Variants in PATJ observed in about 807,000 individuals in gnomAD.
PATJ encodes the protein PATJ crumbs cell polarity complex component, also known as inaD-like protein.
In PATJ, 190 loss-of-function variants were observed where a neutral mutation model predicts 224.9. The observed-to-expected ratio is 0.84, with a 90% confidence interval of 0.75 to 0.95. The LOEUF (loss-of-function observed/expected upper bound fraction) is 0.95. Ranked by LOEUF, PATJ falls within the 40% of genes least tolerant of loss-of-function variation. The pLI is 0.00. For synonymous variants in PATJ, 769 were observed against 820.3 expected, an observed-to-expected ratio of 0.94 and a Z score of 1.07; for missense variants, 2,121 against 2,270.3, an observed-to-expected ratio of 0.93 and a Z score of 1.34.
At chr1:61,922,292 G>A (rs1192664874) in intron 26 of PATJ, among the ~76,000 whole-genome samples, 10 of 152,050 alleles carry the variant, frequency 6.6e-5, no homozygotes, top group South Asian at 4.2e-4. Flanking sequence ...CGATCTGCCC[G>A]CCTCAGCCTC....
chr1:62,088,038 T>TG (rs1291677890), intron 33 of PATJ, among the ~76,000 whole-genome samples: 2 of 151,744 alleles, frequency 1.3e-5, no homozygotes, highest in Admixed American at 6.6e-5. Context: ...ATTACAGGCA[T>TG]GCACCACCAT....
chr1:61,746,355 G>A (rs1016690638), intron 1 of PATJ, among the ~76,000 whole-genome samples: 4 of 152,228 alleles, frequency 2.6e-5, no homozygotes, highest in African/African-American at 4.8e-5. Flanking sequence ...TGGGCTTACA[G>A]GCGTGAGCCA....
intron 29 of PATJ, among the ~76,000 whole-genome samples, chr1:62,032,453 A>G (rs561242754): frequency 6.6e-6 from 1 of 152,168 alleles, no homozygotes; most frequent in Non-Finnish European, 1.5e-5. Flanking sequence ...CAAACTGATA[A>G]TCTCCCTTTA....
chr1:62,158,721 A>C (rs867633035), intron 43 of PATJ, among the ~76,000 whole-genome samples: 1,177 of 30,328 alleles, frequency 0.039, 31 homozygotes, highest in African/African-American at 0.14. Flanking sequence ...ACTCTGTCTC[A>C]AAAAAAAAAC....
At chr1:61,770,428 A>G (rs1326210912) in intron 5 of PATJ, among the ~76,000 whole-genome samples, 3 of 152,214 alleles carry the variant, frequency 2.0e-5, no homozygotes, top group African/African-American at 7.2e-5. Context: ...AGGCTTGTCT[A>G]GGCTTCAGTT....
chr1:61,919,507 G>A (rs1157247530), intron 26 of PATJ, among the ~76,000 whole-genome samples: 1 of 151,824 alleles, frequency 6.6e-6, no homozygotes, highest in Non-Finnish European at 1.5e-5. Context: ...GTTTTGCCAT[G>A]TTGCGCAGGC....
intron 27 of PATJ, among the ~76,000 whole-genome samples, chr1:61,963,240 C>T (rs4915601): frequency 2.6e-4 from 39 of 152,144 alleles, no homozygotes; most frequent in African/African-American, 6.5e-4. Context: ...CAGTTAGGCA[C>T]GTATTTTGTA....
At chr1:61,988,933 T>C (rs1047564181) in intron 27 of PATJ, among the ~76,000 whole-genome samples, 1 of 152,146 alleles carries the variant, frequency 6.6e-6, no homozygotes, top group Admixed American at 6.5e-5. Context: ...GCATTTAGGG[T>C]TCCAAGAGGG....
At chr1:61,960,004 C>G (rs1226467048) in intron 27 of PATJ, among the ~76,000 whole-genome samples, 1 of 151,978 alleles carries the variant, frequency 6.6e-6, no homozygotes, top group Admixed American at 6.6e-5. Flanking sequence ...GCATGGACAA[C>G]AGAGCAAGGC....
At chr1:61,871,399 A>ATACATATATATGTACATATATATG in intron 20 of PATJ, among the ~76,000 whole-genome samples, 1 of 92,978 alleles carries the variant, frequency 1.1e-5, no homozygotes, top group Non-Finnish European at 2.2e-5. Flanking sequence ...ATATATATAT[A>ATACATATATATGTACATATATATG]TGTGTATATA....
intron 14 of PATJ, among the ~76,000 whole-genome samples, chr1:61,811,664 A>C (rs1654786077): frequency 1.3e-5 from 2 of 149,698 alleles, no homozygotes; most frequent in South Asian, 4.3e-4. Context: ...TCAGCTGCTA[A>C]AGCCCATCTA....
intron 42 of PATJ, 26 bp from the exon 43 acceptor site, chr1:62,153,332 T>G (rs1206678878): frequency 8.1e-7 from 1 of 1,227,666 alleles, no homozygotes; most frequent in East Asian, 3.2e-5. Context: ...TATTCTCGAA[T>G]TAAACAGCAT....
chr1:62,091,920 G>A (rs527447158), intron 33 of PATJ, among the ~76,000 whole-genome samples: 1 of 152,048 alleles, frequency 6.6e-6, no homozygotes, highest in African/African-American at 2.4e-5. Flanking sequence ...GCTGAGCATG[G>A]TGGCACGTGG....
rs777907543 is a variant in PATJ at position 61,901,425 on chromosome 1, C to T, written c.3347C>T (p.Thr1116Met). 53 of 1,582,566 alleles carry T rather than the reference C, an allele frequency of 3.3e-5. No homozygotes were observed. The Admixed American group carries it at 8.4e-4, about 25-fold the overall frequency. ...QVLEDSPAGK[T>M]NALKTGDKIL... ...TTAGAAGACAGTCCAGCAGGGAAGA[C>T]GAACGCACTTAAAACTGGAGATAAA... The change falls in exon 24 of 44, where the codon ACG becomes ATG. Residue 1116 changes from threonine to methionine, a missense_variant. By Grantham distance (81) the Thr-to-Met change is moderately conservative. Transcript: ENST00000642238.
chr1:61,759,818 C>T (rs1645862304), intron 1 of PATJ, among the ~76,000 whole-genome samples: 3 of 152,196 alleles, frequency 2.0e-5, no homozygotes, highest in Admixed American at 2.0e-4. Flanking sequence ...TTCAGAGTGA[C>T]ACTCAGAAGT....
At chr1:61,986,754 G>C (rs1216991069) in intron 27 of PATJ, among the ~76,000 whole-genome samples, 1 of 152,140 alleles carries the variant, frequency 6.6e-6, no homozygotes, top group African/African-American at 2.4e-5. Context: ...AGTTTTTAAA[G>C]AGCCTATCTT....
At chr1:62,102,888 A>G (rs1471851362) in intron 33 of PATJ, among the ~76,000 whole-genome samples, 2 of 150,994 alleles carry the variant, frequency 1.3e-5, no homozygotes, top group African/African-American at 4.9e-5. Flanking sequence ...AAAAAAAAGA[A>G]TAACAAATGA....
At chr1:61,939,965 C>T (rs567413102) in intron 27 of PATJ, among the ~76,000 whole-genome samples, 5 of 152,078 alleles carry the variant, frequency 3.3e-5, no homozygotes, top group East Asian at 3.9e-4. Flanking sequence ...TGAGCCACCG[C>T]GCCCGGCCTA....
At position 62,050,960 on chromosome 1, in the gene PATJ, C is replaced by T. The variant is rs774987568; in HGVS notation, c.4033-6C>T. On this transcript the variant is annotated splice_region_variant and splice_polypyrimidine_tract_variant and intron_variant, in intron 30 of 43. Coordinates refer to ENST00000642238, the MANE Select transcript of PATJ (RefSeq NM_001350145.3). ...TCTTTGCCATTTTCTTTTTAACGTT[C>T]CATAGGATCAGAGCGGCACCGAACC... 1 of 1,610,296 alleles carries T rather than the reference C, an allele frequency of 6.2e-7. No individual in the cohort carries two copies. The highest frequency in any genetic ancestry group is 2.2e-5 in the East Asian group (1 of 44,840).
Sources: gnomAD v4.1 joint callset for allele counts (sites outside exome capture counted in the v4.1 genomes callset) on GRCh38, gnomAD v4.1.1 for gene constraint, MANE v1.5 for transcripts, NCBI Gene and HGNC (gene_info 2026-07-23, HGNC 2026-07-21) for gene names.